The following SEL1L2 variants were observed in gnomAD, a reference collection of about 807,000 sequenced individuals.
The protein encoded by SEL1L2 is protein sel-1 homolog 2.
A neutral mutation model predicts 98.8 loss-of-function variants in SEL1L2; 89 were observed. That is an observed-to-expected ratio of 0.90 (90% CI 0.76 to 1.07). SEL1L2 has a LOEUF of 1.07. Ranked by LOEUF, SEL1L2 falls within the 50% of genes least tolerant of loss-of-function variation. The probability of loss-of-function intolerance (pLI) is 0.00; values close to 1 mark genes in which losing one functional copy is unlikely to be tolerated. For synonymous variants in SEL1L2, 262 were observed against 278.5 expected, an observed-to-expected ratio of 0.94 and a Z score of 0.59; for missense variants, 788 against 812.0, an observed-to-expected ratio of 0.97 and a Z score of 0.36.
At chr20:13,915,227 G>A in intron 4 of SEL1L2, 6 of 1,289,358 alleles carry the variant, frequency 4.7e-6, no homozygotes, top group Non-Finnish European at 6.1e-6. Flanking sequence ...AAACATCCAG[G>A]TAGGCATTAG....
intron 2 of SEL1L2, among the ~76,000 whole-genome samples, chr20:13,942,010 A>G (rs552494906): frequency 1.3e-5 from 2 of 152,278 alleles, no homozygotes. Context: ...GCACTGTGTA[A>G]TACATTAAAT....
intron 1 of SEL1L2, among the ~76,000 whole-genome samples, chr20:13,983,616 A>G (rs1359337566): frequency 2.0e-5 from 3 of 151,740 alleles, no homozygotes; most frequent in Non-Finnish European, 2.9e-5. Flanking sequence ...CTGCCTCCCA[A>G]GTTCAAGCGA....
intron 5 of SEL1L2, among the ~76,000 whole-genome samples, chr20:13,901,071 C>CTTTTTTT (rs746353560): frequency 2.3e-5 from 3 of 133,302 alleles, no homozygotes; most frequent in Non-Finnish European, 4.8e-5. Context: ...TTCTTTCTTT[C>CTTTTTTT]TTTCTTTTTT....
chr20:13,938,590 A>C (rs1646679684), intron 2 of SEL1L2, among the ~76,000 whole-genome samples: 1 of 152,086 alleles, frequency 6.6e-6, no homozygotes, highest in Non-Finnish European at 1.5e-5. Context: ...CAATTGCCAA[A>C]CCCCAAAATA....
chr20:13,974,995 T>C (rs1224603796), intron 1 of SEL1L2, among the ~76,000 whole-genome samples: 1 of 152,172 alleles, frequency 6.6e-6, no homozygotes, highest in Non-Finnish European at 1.5e-5. Context: ...GTAAATCATT[T>C]TATCCAATCT....
At chr20:13,963,065 CAA>C (rs11472589) in intron 1 of SEL1L2, among the ~76,000 whole-genome samples, 1 of 140,652 alleles carries the variant, frequency 7.1e-6, no homozygotes. Flanking sequence ...GACTCCATCT[CAA>C]AAAAAAAAAG....
intron 18 of SEL1L2, among the ~76,000 whole-genome samples, chr20:13,852,135 T>C (rs1224746601): frequency 6.6e-6 from 1 of 152,218 alleles, no homozygotes. Context: ...GAAAGACATA[T>C]TGACTTGGAT....
At chr20:13,958,139 C>T (rs754861854) in intron 1 of SEL1L2, among the ~76,000 whole-genome samples, 4 of 152,044 alleles carry the variant, frequency 2.6e-5, no homozygotes, top group Non-Finnish European at 5.9e-5. Context: ...GTCAAACAGG[C>T]CTATATTCTA....
chr20:13,855,049 C>CA (rs71188190), intron 18 of SEL1L2, among the ~76,000 whole-genome samples: 953 of 80,798 alleles, frequency 0.012, 9 homozygotes, highest in African/African-American at 0.017. Context: ...GACTCCGTCT[C>CA]AAAAAAAAAA....
chr20:13,873,907 G>T (rs895345888), intron 12 of SEL1L2, among the ~76,000 whole-genome samples: 1 of 152,140 alleles, frequency 6.6e-6, no homozygotes, highest in African/African-American at 2.4e-5. Context: ...TTGGACAGGA[G>T]GGGAGAAGCC....
At chr20:13,977,961 A>T (rs2051625875) in intron 1 of SEL1L2, among the ~76,000 whole-genome samples, 1 of 152,184 alleles carries the variant, frequency 6.6e-6, no homozygotes, top group South Asian at 2.1e-4. Flanking sequence ...AATCTCTATC[A>T]ATATCCCAAC....
chr20:13,853,047 T>C (rs1988534342), intron 18 of SEL1L2, among the ~76,000 whole-genome samples: 1 of 152,218 alleles, frequency 6.6e-6, no homozygotes, highest in Non-Finnish European at 1.5e-5. Context: ...GGTAATATTT[T>C]ATACACATTC....
In SEL1L2 at chr20:13,881,187, T is replaced by C. The variant is rs551094867; in HGVS notation, c.958-3599A>G. Reference sequence around the variant, plus strand: ...CACCACCATGCCCAGCTAATTTTTGTATTTTTAGTAGAGACGGGGTTTCAC... The same window carrying C: ...CACCACCATGCCCAGCTAATTTTTGCATTTTTAGTAGAGACGGGGTTTCAC... On this transcript the variant is annotated intron_variant, in intron 10 of 19. Coordinates refer to ENST00000284951, the MANE Select transcript of SEL1L2 (RefSeq NM_025229.2). Among the ~76,000 whole-genome samples, 773 of 152,252 alleles carry C rather than the reference T, an allele frequency of 5.1e-3. 8 individuals carry two copies. Among genetic ancestry groups the C allele is most frequent in the African/African-American group, 0.017 (722 of 41,536 alleles).
At chr20:13,874,019 T>C (rs1344181889) in intron 12 of SEL1L2, among the ~76,000 whole-genome samples, 4 of 151,896 alleles carry the variant, frequency 2.6e-5, no homozygotes, top group Non-Finnish European at 4.4e-5. Context: ...GGCAGCTCTG[T>C]GGATGAAGGG....
chr20:13,934,565 T>C (rs1372165705), intron 2 of SEL1L2, among the ~76,000 whole-genome samples: 1 of 141,776 alleles, frequency 7.1e-6, no homozygotes, highest in Non-Finnish European at 1.5e-5. Context: ...TGAATTCTGC[T>C]GCTATAAGCC....
chr20:13,921,440 G>A (rs898845201), intron 3 of SEL1L2, among the ~76,000 whole-genome samples: 3 of 152,126 alleles, frequency 2.0e-5, no homozygotes, highest in African/African-American at 7.2e-5. Flanking sequence ...CCAAAATGCT[G>A]GGATTACAGG....
chr20:13,953,068 A>C (rs903930386), intron 2 of SEL1L2, among the ~76,000 whole-genome samples: 2 of 152,128 alleles, frequency 1.3e-5, no homozygotes, highest in African/African-American at 4.8e-5. Flanking sequence ...AAACTGGGAA[A>C]AGTTAATTTC....
At chr20:13,930,701 G>T (rs2049105219) in intron 3 of SEL1L2, among the ~76,000 whole-genome samples, 1 of 152,068 alleles carries the variant, frequency 6.6e-6, no homozygotes, top group Non-Finnish European at 1.5e-5. Flanking sequence ...TGTCAAAGCT[G>T]GACTCTCAGA....
At chr20:13,910,551 C>G (rs1373360457) in intron 5 of SEL1L2, among the ~76,000 whole-genome samples, 1 of 152,194 alleles carries the variant, frequency 6.6e-6, no homozygotes, top group Non-Finnish European at 1.5e-5. Context: ...CCACACCATG[C>G]CACCCTGAGG....
Sources: allele counts gnomAD v4.1 joint callset (sites outside exome capture counted in the v4.1 genomes callset), GRCh38; gene constraint gnomAD v4.1.1; transcripts MANE v1.5; gene names NCBI Gene and HGNC (gene_info 2026-07-23, HGNC 2026-07-21).